The following CADM2 variants were observed in gnomAD, a reference collection of about 807,000 sequenced individuals.
The protein encoded by CADM2 is immunoglobulin superfamily member 4D.
CADM2 carries 12 observed loss-of-function variants against 49.8 expected under a neutral mutation model. The observed-to-expected ratio is 0.24, with a 90% CI of 0.15 to 0.39. The LOEUF is 0.39. CADM2 is among the 10% of genes least tolerant of loss of function. The pLI, the probability that CADM2 is intolerant of heterozygous loss-of-function variation, is 1.00. For missense variants in CADM2, 378 were observed against 492.3 expected, an observed-to-expected ratio of 0.77 and a Z score of 2.20; for synonymous variants, 214 against 175.4, an observed-to-expected ratio of 1.22 and a Z score of -1.74.
chr3:85,097,061 C>G (rs1202622109), intron 1 of CADM2, among the ~76,000 whole-genome samples: 1 of 152,064 alleles, frequency 6.6e-6, no homozygotes, highest in Non-Finnish European at 1.5e-5. Flanking sequence ...AGGTTTGTTA[C>G]ATATGTATAC....
chr3:85,087,584 C>G (rs2037429062), intron 1 of CADM2, among the ~76,000 whole-genome samples: 1 of 151,960 alleles, frequency 6.6e-6, no homozygotes, highest in South Asian at 2.1e-4. Flanking sequence ...AGAAATAAAG[C>G]AAAATGAAAG....
chr3:85,405,792 T>C (rs1197625645), intron 1 of CADM2, among the ~76,000 whole-genome samples: 3 of 151,828 alleles, frequency 2.0e-5, no homozygotes, highest in Admixed American at 1.3e-4. Flanking sequence ...GCCATAGTGG[T>C]TTAAAATCTC....
intron 1 of CADM2, among the ~76,000 whole-genome samples, chr3:85,242,097 T>A (rs1369299889): frequency 6.6e-6 from 1 of 150,814 alleles, no homozygotes; most frequent in African/African-American, 2.4e-5. Flanking sequence ...GATTTGGGAA[T>A]CAGAAGAGCC....
chr3:85,072,957 A>G (rs1346822168), intron 1 of CADM2, among the ~76,000 whole-genome samples: 2 of 152,050 alleles, frequency 1.3e-5, no homozygotes, highest in African/African-American at 2.4e-5. Flanking sequence ...TATAGATAAC[A>G]TTAGGCTTAA....
intron 6 of CADM2, among the ~76,000 whole-genome samples, chr3:85,924,330 T>A (rs1719540427): frequency 6.6e-6 from 1 of 152,090 alleles, no homozygotes; most frequent in Non-Finnish European, 1.5e-5. Flanking sequence ...TGGTTCACGC[T>A]TGTAATCATA....
At chr3:85,772,377 A>T (rs534758284) in intron 2 of CADM2, among the ~76,000 whole-genome samples, 2 of 152,134 alleles carry the variant, frequency 1.3e-5, no homozygotes, top group Non-Finnish European at 2.9e-5. Context: ...ATGTGTATGT[A>T]TGCAGAAAAC....
intron 2 of CADM2, among the ~76,000 whole-genome samples, chr3:85,780,523 T>C (rs758026849): frequency 6.6e-6 from 1 of 152,224 alleles, no homozygotes; most frequent in Non-Finnish European, 1.5e-5. Flanking sequence ...AATCCTCTTA[T>C]GGACAAATTT....
intron 1 of CADM2, among the ~76,000 whole-genome samples, chr3:85,658,653 CTTGA>C (rs2065296019): frequency 9.6e-6 from 1 of 104,576 alleles, no homozygotes; most frequent in Non-Finnish European, 1.9e-5. Context: ...TGTGTGTGTT[CTTGA>C]TTAACATCTT....
chr3:85,235,949 A>G (rs1440569513), intron 1 of CADM2, among the ~76,000 whole-genome samples: 1 of 152,118 alleles, frequency 6.6e-6, no homozygotes, highest in Non-Finnish European at 1.5e-5. Context: ...TTATTAGGGT[A>G]TATGGTCTGT....
chr3:85,490,702 A>G (rs2039635053), intron 1 of CADM2, among the ~76,000 whole-genome samples: 1 of 152,222 alleles, frequency 6.6e-6, no homozygotes, highest in Non-Finnish European at 1.5e-5. Flanking sequence ...CACTGTTATT[A>G]CTGATATTTA....
chr3:85,926,696 T>G (rs1719922161), intron 6 of CADM2, among the ~76,000 whole-genome samples: 1 of 152,076 alleles, frequency 6.6e-6, no homozygotes, highest in Non-Finnish European at 1.5e-5. Context: ...AGTTTGTGAA[T>G]AAGAAGAACC....
intron 1 of CADM2, among the ~76,000 whole-genome samples, chr3:85,698,598 G>T (rs1192221522): frequency 1.3e-5 from 2 of 152,086 alleles, no homozygotes; most frequent in Non-Finnish European, 2.9e-5. Flanking sequence ...GAGAGGTGGG[G>T]TGGGAAGTTG....
intron 2 of CADM2, among the ~76,000 whole-genome samples, chr3:85,769,324 A>G (rs1340870726): frequency 8.0e-6 from 1 of 125,004 alleles, no homozygotes. Context: ...ATACATATAT[A>G]GTATATATAC....
At chr3:85,824,566 G>A (rs1472242248) in intron 3 of CADM2, among the ~76,000 whole-genome samples, 1 of 152,140 alleles carries the variant, frequency 6.6e-6, no homozygotes, top group Non-Finnish European at 1.5e-5. Flanking sequence ...AGAGAACCAA[G>A]TGTGCAATCA....
At position 85,102,302 on chromosome 3, in the gene CADM2, A is replaced by G. The variant is rs568349929; in HGVS notation, c.61+142634A>G. Among the ~76,000 whole-genome samples, 4 of 152,304 alleles carry G rather than the reference A, an allele frequency of 2.6e-5. No homozygotes were observed. The East Asian group carries it at 5.8e-4, about 22-fold the overall frequency. ...GGGTCATGAATAAATGAACATTCCC[A>G]TAAAATCAAATTTACAAATATTGCT... On this transcript the variant is annotated intron_variant, in intron 1 of 9. Coordinates refer to ENST00000383699, the MANE Select transcript of CADM2 (RefSeq NM_001167675.2).
At chr3:85,630,291 G>A (rs531087339) in intron 1 of CADM2, among the ~76,000 whole-genome samples, 51 of 151,796 alleles carry the variant, frequency 3.4e-4, no homozygotes, top group Non-Finnish European at 6.6e-4. Flanking sequence ...TTTCCATTCC[G>A]ACTTATACCT....
intron 1 of CADM2, among the ~76,000 whole-genome samples, chr3:85,011,994 A>G (rs1030893470): frequency 6.6e-6 from 1 of 152,148 alleles, no homozygotes; most frequent in South Asian, 2.1e-4. Flanking sequence ...CTAAATTATG[A>G]CTAAACTACC....
chr3:85,447,226 T>C (rs1443887472), intron 1 of CADM2, among the ~76,000 whole-genome samples: 1 of 151,584 alleles, frequency 6.6e-6, no homozygotes, highest in Non-Finnish European at 1.5e-5. Context: ...ATCTACATCA[T>C]CCTAGAAACT....
intron 1 of CADM2, among the ~76,000 whole-genome samples, chr3:85,075,124 T>C (rs1471347466): frequency 6.6e-6 from 1 of 151,994 alleles, no homozygotes; most frequent in Non-Finnish European, 1.5e-5. Context: ...TTTGAGACAA[T>C]GAATACAGAA....
Sources: allele counts gnomAD v4.1 joint callset (sites outside exome capture counted in the v4.1 genomes callset), GRCh38; gene constraint gnomAD v4.1.1; transcripts MANE v1.5; gene names NCBI Gene and HGNC (gene_info 2026-07-23, HGNC 2026-07-21).